Variants in PPARG observed in about 807,000 individuals in gnomAD.
PPARG encodes the protein peroxisome proliferator-activated receptor gamma.
In PPARG, 17 loss-of-function variants were observed where a neutral mutation model predicts 39.2. The observed-to-expected ratio is 0.43, with a 90% CI of 0.30 to 0.65. PPARG has a LOEUF of 0.65. Ranked by LOEUF, PPARG falls within the 30% of genes least tolerant of loss-of-function variation. The pLI is 0.13. For synonymous variants in PPARG, 223 were observed against 215.7 expected, an observed-to-expected ratio of 1.03 and a Z score of -0.30; for missense variants, 406 against 585.9, an observed-to-expected ratio of 0.69 and a Z score of 3.17.
chr3:12,387,299 T>C (rs566702681), intron 4 of PPARG, among the ~76,000 whole-genome samples: 1 of 152,340 alleles, frequency 6.6e-6, no homozygotes, highest in Admixed American at 6.5e-5. Flanking sequence ...TGCCACACTG[T>C]CTTCCACAAT....
chr3:12,431,126 C>A (rs1180117499), intron 7 of PPARG, among the ~76,000 whole-genome samples: 1 of 152,128 alleles, frequency 6.6e-6, no homozygotes, highest in Non-Finnish European at 1.5e-5. Context: ...GTTCTGTCTT[C>A]TTGATGAGCC....
intron 4 of PPARG, among the ~76,000 whole-genome samples, chr3:12,390,637 C>CTTTTTTTTTTTTT (rs35190152): frequency 3.2e-5 from 3 of 92,352 alleles, no homozygotes; most frequent in African/African-American, 4.5e-5. Flanking sequence ...TATTTTCTTC[C>CTTTTTTTTTTTTT]TTTTTTTTTT....
intron 2 of PPARG, among the ~76,000 whole-genome samples, chr3:12,370,929 A>T (rs1474240714): frequency 6.6e-6 from 1 of 152,172 alleles, no homozygotes; most frequent in Non-Finnish European, 1.5e-5. Flanking sequence ...GAGGCCTTTA[A>T]AACAGGACAT....
intron 1 of PPARG, among the ~76,000 whole-genome samples, chr3:12,291,819 AATT>A (rs1322502530): frequency 6.6e-6 from 1 of 152,156 alleles, no homozygotes; most frequent in Non-Finnish European, 1.5e-5. Flanking sequence ...CAACTGTTTC[AATT>A]ATTATGGCTT....
At chr3:12,397,957 G>T (rs1382385913) in intron 5 of PPARG, among the ~76,000 whole-genome samples, 5 of 152,134 alleles carry the variant, frequency 3.3e-5, no homozygotes, top group Non-Finnish European at 5.9e-5. Context: ...CTGGAAAATG[G>T]CTTATGCTTG....
At chr3:12,414,138 A>G (rs1003473952) in intron 6 of PPARG, among the ~76,000 whole-genome samples, 2 of 152,196 alleles carry the variant, frequency 1.3e-5, no homozygotes, top group African/African-American at 2.4e-5. Flanking sequence ...TTTCATGCAT[A>G]TGTTCTGTGC....
chr3:12,333,667 T>C (rs927930862), intron 2 of PPARG, among the ~76,000 whole-genome samples: 2 of 152,176 alleles, frequency 1.3e-5, no homozygotes, highest in African/African-American at 4.8e-5. Flanking sequence ...TCCCCCATCA[T>C]GCTTATGCCC....
At chr3:12,401,574 T>C (rs1388356481) in intron 5 of PPARG, among the ~76,000 whole-genome samples, 1 of 151,830 alleles carries the variant, frequency 6.6e-6, no homozygotes, top group Non-Finnish European at 1.5e-5. Context: ...AACTGGCTTT[T>C]TTCCCCCTTA....
At chr3:12,348,703 C>T (rs901096347) in intron 2 of PPARG, among the ~76,000 whole-genome samples, 7 of 152,168 alleles carry the variant, frequency 4.6e-5, no homozygotes, top group Non-Finnish European at 1.0e-4. Context: ...TGGTCTTTTA[C>T]CACTCCTCCT....
chr3:12,314,634 G>A (rs1002900979), intron 2 of PPARG, among the ~76,000 whole-genome samples: 2 of 152,092 alleles, frequency 1.3e-5, no homozygotes, highest in African/African-American at 2.4e-5. Context: ...AGTGTCAGAG[G>A]CATAAAAGAC....
At chr3:12,330,277 T>G (rs185804058) in intron 2 of PPARG, among the ~76,000 whole-genome samples, 3 of 143,228 alleles carry the variant, frequency 2.1e-5, no homozygotes, top group African/African-American at 7.9e-5. Flanking sequence ...TTCTAATATC[T>G]CTACATTGCT....
chr3:12,363,317 T>C (rs1322653172), intron 2 of PPARG, among the ~76,000 whole-genome samples: 2 of 152,234 alleles, frequency 1.3e-5, no homozygotes, highest in Non-Finnish European at 2.9e-5. Flanking sequence ...TTGAAGATAC[T>C]ATATGGTATA....
chr3:12,384,883 A>G (rs1163404986), intron 4 of PPARG, among the ~76,000 whole-genome samples: 1 of 152,154 alleles, frequency 6.6e-6, no homozygotes, highest in East Asian at 1.9e-4. Flanking sequence ...AAATGTCAGT[A>G]AAGATAGCCC....
At chr3:12,353,490 T>C (rs1365420821) in intron 2 of PPARG, among the ~76,000 whole-genome samples, 1 of 152,204 alleles carries the variant, frequency 6.6e-6, no homozygotes, top group African/African-American at 2.4e-5. Flanking sequence ...AGTTGAACAC[T>C]GTGGAGTTGA....
At chr3:12,343,127 C>G (rs572895114) in intron 2 of PPARG, among the ~76,000 whole-genome samples, 1 of 144,602 alleles carries the variant, frequency 6.9e-6, no homozygotes, top group South Asian at 2.1e-4. Flanking sequence ...TTTTGGCTCC[C>G]CTGTGTTGAT....
rs149948792 is a variant in PPARG, at chr3:12,319,813, C to T, written c.-9+7360C>T. 6.6e-5 allele frequency among the ~76,000 whole-genome samples: 10 copies of T among 151,728 alleles called. No homozygotes were observed. In the East Asian group the frequency reaches 1.4e-3, roughly 21 times the overall value. The stretch of plus-strand genomic sequence containing the variant: ...CTTTCCTCTTCTGTTCTTTGGCCAT[C>T]GTTTAAGTTTCCTTACCTGTTAAGT... On this transcript the variant is annotated intron_variant, in intron 2 of 7. Coordinates refer to ENST00000651735, the MANE Select transcript of PPARG (RefSeq NM_138711.6).
chr3:12,340,432 C>T (rs549752288), intron 2 of PPARG, among the ~76,000 whole-genome samples: 13 of 152,076 alleles, frequency 8.5e-5, no homozygotes, highest in African/African-American at 2.9e-4. Context: ...ATTTTTATTG[C>T]GGGGGAGAGG....
intron 1 of PPARG, among the ~76,000 whole-genome samples, chr3:12,311,357 G>A (rs974669359): frequency 2.0e-5 from 3 of 152,148 alleles, no homozygotes; most frequent in African/African-American, 7.2e-5. Flanking sequence ...GCCTGCCTCA[G>A]CCTTCCAAAG....
At chr3:12,428,750 T>A (rs1285312931) in intron 7 of PPARG, among the ~76,000 whole-genome samples, 8 of 152,226 alleles carry the variant, frequency 5.3e-5, no homozygotes, top group African/African-American at 1.9e-4. Flanking sequence ...ATTTTGCCCT[T>A]GACTAGAGCT....
Sources: allele counts gnomAD v4.1 joint callset (sites outside exome capture counted in the v4.1 genomes callset), GRCh38; gene constraint gnomAD v4.1.1; transcripts MANE v1.5; gene names NCBI Gene and HGNC (gene_info 2026-07-23, HGNC 2026-07-21).